SMAGP: variants seen among roughly 807,000 people sequenced by gnomAD.
SMAGP encodes small cell adhesion glycoprotein, also known as small cell transmembrane and glycosylated protein.
SMAGP carries 7 observed loss-of-function variants against 10.1 expected under a neutral mutation model. That is an observed-to-expected ratio of 0.70 (90% CI 0.40 to 1.31). The LOEUF (loss-of-function observed/expected upper bound fraction) is 1.31, where lower values mean the gene tolerates loss of function less well. Ranked by LOEUF, SMAGP falls within the 50% of genes most tolerant of loss-of-function variation. The pLI is 0.01. For missense variants in SMAGP, 113 were observed against 116.5 expected, an observed-to-expected ratio of 0.97 and a Z score of 0.14; for synonymous variants, 49 against 47.2, an observed-to-expected ratio of 1.04 and a Z score of -0.16.
intron 2 of SMAGP, among the ~76,000 whole-genome samples, chr12:51,265,384 T>C (rs1345617333): frequency 6.6e-6 from 1 of 152,130 alleles, no homozygotes; most frequent in African/African-American, 2.4e-5. Flanking sequence ...CCCAAACAAC[T>C]GAAAGCAGGG....
chr12:51,268,219 G>A (rs912511781), intron 2 of SMAGP, among the ~76,000 whole-genome samples: 2 of 152,050 alleles, frequency 1.3e-5, no homozygotes, highest in African/African-American at 2.4e-5. Flanking sequence ...TCAAGGGAAA[G>A]ATGGGTTTCT....
intron 2 of SMAGP, among the ~76,000 whole-genome samples, chr12:51,262,479 A>AAAAAAAG (rs1162877811): frequency 3.3e-5 from 5 of 152,220 alleles, no homozygotes; most frequent in African/African-American, 1.2e-4. Context: ...GCCCTGTCTC[A>AAAAAAAG]AAAAAAGAAA....
chr12:51,268,837 C>T (rs1945000894), intron 2 of SMAGP, among the ~76,000 whole-genome samples: 1 of 152,096 alleles, frequency 6.6e-6, no homozygotes, highest in South Asian at 2.1e-4. Flanking sequence ...CCGCCCACCT[C>T]GACCTCCCAA....
intron 2 of SMAGP, among the ~76,000 whole-genome samples, chr12:51,260,471 G>A (rs1944922638): frequency 6.6e-6 from 1 of 151,718 alleles, no homozygotes; most frequent in Admixed American, 6.6e-5. Flanking sequence ...CCGCCTCCCA[G>A]GTTCACGCCA....
chr12:51,266,324 C>T lies in SMAGP; in HGVS notation c.34+2921G>A, dbSNP rs149560758. On this transcript the variant is annotated intron_variant, in intron 2 of 3. Coordinates refer to ENST00000603798, the MANE Select transcript of SMAGP (RefSeq NM_001031628.2). ...TCCTTTTGTGTCCATGCTATAAACG[C>T]TTAGTAGAGTACCACAGCGCTTGTG... Among the ~76,000 whole-genome samples the T allele has an allele frequency of 9.5e-4, 145 of 152,246 alleles. 1 individual carries two copies. The highest frequency in any genetic ancestry group is 3.3e-3 in the African/African-American group (139 of 41,546).
intron 3 of SMAGP, chr12:51,246,328 C>T (rs1434870328): frequency 1.6e-6 from 1 of 623,728 alleles, no homozygotes. Context: ...AAGCTAAGGA[C>T]ACATGCTTTT....
In SMAGP at chr12:51,270,336, G is replaced by A. The variant is rs188070189; in HGVS notation, c.-119C>T. Reference sequence around the variant, plus strand: ...TGAACTCAACGGGGGCGGGCACCGCGGAGTCGCGGAGGCCAGCAGAGGCCG... The same window carrying A: ...TGAACTCAACGGGGGCGGGCACCGCAGAGTCGCGGAGGCCAGCAGAGGCCG... On this transcript the variant is annotated 5_prime_UTR_variant, in exon 1 of 4. Transcript: ENST00000603798. The A allele has an allele frequency of 0.025, 4,340 of 174,708 alleles. 194 individuals carry two copies. Among genetic ancestry groups the A allele is most frequent in the African/African-American group, 0.095 (4,065 of 42,620 alleles). The allele number at this position is 174,708 out of a possible 1,614,324, so 10.8% of individuals were successfully genotyped here.
chr12:51,270,042 C>G (rs913477993), intron 1 of SMAGP: 2 of 151,584 alleles, frequency 1.3e-5, no homozygotes, highest in African/African-American at 4.8e-5. Context: ...GCCCCCGCCC[C>G]GAGCCCCCCG....
chr12:51,246,085 C>A lies in SMAGP; in HGVS notation c.150G>T (p.Ser50=). 6.2e-7 allele frequency: 1 copy of A among 1,613,756 alleles called. No individual in the cohort carries two copies. Among genetic ancestry groups the A allele is most frequent in the Non-Finnish European group, 8.5e-7 (1 of 1,179,802 alleles). The part of the protein sequence containing the change: ...VITVVFLTLL[S]VVILIFFYLY... ...GGTAAAAGAAGATCAAGATCACGAC[C>A]GAGAGCAGGGTGAGGAAGACAACGG... is the stretch of plus-strand genomic sequence containing the variant. The change falls in exon 4 of 4, where the codon TCG becomes TCT. Residue 50 remains serine, a synonymous_variant. Coordinates refer to ENST00000603798, the MANE Select transcript of SMAGP (RefSeq NM_001031628.2).
chr12:51,253,104 T>C (rs1944855403), intron 2 of SMAGP, among the ~76,000 whole-genome samples: 1 of 152,142 alleles, frequency 6.6e-6, no homozygotes, highest in Non-Finnish European at 1.5e-5. Context: ...AGCAAAGTTC[T>C]AGAACACACT....
chr12:51,270,096 G>C (rs1315207990), intron 1 of SMAGP, 160 bp downstream of exon 1: 2 of 152,002 alleles, frequency 1.3e-5, no homozygotes, highest in East Asian at 3.8e-4. Flanking sequence ...GGGGCGGCCG[G>C]TGCGTCGGGG....
rs557673877 is a variant in SMAGP at position 51,248,088 on chromosome 12, T to C, written c.35-1257A>G. On this transcript the variant is annotated intron_variant, in intron 2 of 3. Coordinates refer to ENST00000603798, the MANE Select transcript of SMAGP (RefSeq NM_001031628.2). ...AAAGGCCAGCGTGGCCCGAGCGCGG[T>C]GTGAGCATGACTCCCGTCCAGTGCC... Among the ~76,000 whole-genome samples the C allele has an allele frequency of 6.6e-5, 10 of 151,678 alleles. 1 individual carries two copies. In the East Asian group the frequency reaches 1.8e-3, roughly 27 times the overall value.
intron 2 of SMAGP, among the ~76,000 whole-genome samples, chr12:51,260,367 T>TTG (rs1555167333): frequency 5.8e-4 from 86 of 149,430 alleles, no homozygotes; most frequent in East Asian, 1.8e-3. Flanking sequence ...GATTGTTTTT[T>TTG]TTGTTGTTGT....
At chr12:51,247,188 G>A (rs1184963974) in intron 2 of SMAGP, among the ~76,000 whole-genome samples, 2 of 152,102 alleles carry the variant, frequency 1.3e-5, no homozygotes, top group Non-Finnish European at 1.5e-5. Flanking sequence ...ACTTTAAAAC[G>A]TTGTTGTGAC....
At position 51,256,627 on chromosome 12, in the gene SMAGP, G is replaced by A. The variant is rs1296945024; in HGVS notation, c.35-9796C>T. On this transcript the variant is annotated intron_variant, in intron 2 of 3. Transcript: ENST00000603798. ...CCCAGCTACTCGGGAGGCTGAGGCA[G>A]GAGAATCGCTTGAACCCAGGAGGCG... Among the ~76,000 whole-genome samples the A allele has an allele frequency of 2.6e-5, 4 of 152,026 alleles. No homozygotes were observed. The South Asian group carries it at 6.2e-4, about 24-fold the overall frequency.
chr12:51,268,411 GT>G (rs1471096714), intron 2 of SMAGP, among the ~76,000 whole-genome samples: 1 of 152,072 alleles, frequency 6.6e-6, no homozygotes, highest in Non-Finnish European at 1.5e-5. Context: ...TCTTTAGCAG[GT>G]TTTTAAAAAA....
chr12:51,268,335 T>C (rs1020882241), intron 2 of SMAGP, among the ~76,000 whole-genome samples: 1 of 152,126 alleles, frequency 6.6e-6, no homozygotes, highest in Non-Finnish European at 1.5e-5. Flanking sequence ...TCATAAATCA[T>C]AAGATAGGTA....
rs771044308 is a variant in SMAGP at position 51,269,296 on chromosome 12, T to C, written c.-18A>G. ...CTGGTCATTGTCACTAGTGGTTGAG[T>C]TTCTTGGAGAAGAGGCAGATCTGTA... On this transcript the variant is annotated 5_prime_UTR_variant, in exon 2 of 4. Transcript: ENST00000603798. The C allele has an allele frequency of 6.2e-7, 1 of 1,613,730 alleles. No individual in the cohort carries two copies. The highest frequency in any genetic ancestry group is 1.1e-5 in the South Asian group (1 of 91,052).
chr12:51,251,689 C>G (rs1457888933), intron 2 of SMAGP: 3 of 152,092 alleles, frequency 2.0e-5, no homozygotes, highest in Admixed American at 1.3e-4. Context: ...CATGAACTGG[C>G]TCACTGGTGA....
Sources: gnomAD v4.1 joint callset for allele counts (sites outside exome capture counted in the v4.1 genomes callset) on GRCh38, gnomAD v4.1.1 for gene constraint, MANE v1.5 for transcripts, NCBI Gene and HGNC (gene_info 2026-07-23, HGNC 2026-07-21) for gene names.